The following SMARCA2 variants were observed in gnomAD, a reference collection of about 807,000 sequenced individuals.
The protein encoded by SMARCA2 is SWI/SNF related BAF chromatin remodeling complex subunit ATPase 2.
In SMARCA2, 61 loss-of-function variants were observed where a neutral mutation model predicts 199.8. That is an observed-to-expected ratio of 0.31 (90% confidence interval 0.25 to 0.38). The LOEUF (loss-of-function observed/expected upper bound fraction) is 0.38. Among genes scored for constraint, SMARCA2 ranks in the 10% least tolerant of loss-of-function variants. The probability of loss-of-function intolerance (pLI) is 1.00; values close to 1 mark genes in which losing one functional copy is unlikely to be tolerated. For synonymous variants in SMARCA2, 935 were observed against 732.0 expected (o/e 1.28, Z -4.48); for missense variants, 1,344 against 2,012.2 (o/e 0.67, Z 6.35).
intron 27 of SMARCA2, among the ~76,000 whole-genome samples, chr9:2,157,422 T>G (rs1323542976): frequency 6.6e-6 from 1 of 152,108 alleles, no homozygotes; most frequent in Non-Finnish European, 1.5e-5. Flanking sequence ...CCCACCCCCA[T>G]GCCCAGCAGC....
chr9:2,192,609 AT>A, intron 33 of SMARCA2, 94 bp from the exon 34 acceptor site: 3 of 887,872 alleles, frequency 3.4e-6, no homozygotes, highest in Non-Finnish European at 5.8e-6. Context: ...CCAAAATGTC[AT>A]TTTTTCCTAC....
intron 1 of SMARCA2, among the ~76,000 whole-genome samples, chr9:2,028,199 G>T (rs138792792): frequency 7.2e-4 from 109 of 152,240 alleles, no homozygotes; most frequent in African/African-American, 2.3e-3. Flanking sequence ...TGTCTGAGGG[G>T]GTCTCTGCTT....
intron 27 of SMARCA2, chr9:2,160,149 G>T: frequency 2.0e-6 from 1 of 507,194 alleles, no homozygotes; most frequent in South Asian, 2.8e-5. Flanking sequence ...GCTGCAGTGT[G>T]TTTAGCTGTA....
chr9:2,153,397 G>C (rs1291907361), intron 27 of SMARCA2, among the ~76,000 whole-genome samples: 1 of 152,086 alleles, frequency 6.6e-6, no homozygotes, highest in Non-Finnish European at 1.5e-5. Flanking sequence ...GCCAGGCATG[G>C]TGGTGTGCGC....
chr9:2,073,592 G>A lies in SMARCA2; in HGVS notation c.1904G>A (p.Ser635Asn), dbSNP rs1229661980. The A allele has an allele frequency of 6.2e-7, 1 of 1,612,196 alleles. No individual in the cohort carries two copies. Among genetic ancestry groups the A allele is most frequent in the Admixed American group, 1.7e-5 (1 of 60,012 alleles). The change falls in exon 12 of 34, where the codon AGT (serine) becomes AAT (asparagine). Residue 635 changes from serine to asparagine, a missense_variant. Ser to Asn is a conservative substitution (Grantham distance 46). Transcript: ENST00000349721. ...PGYEVAPRSD[S>N]EESDSDYEEE... is the part of the protein sequence containing the mutation. ...TATGAAGTTGCCCCTAGATCTGACA[G>A]TGAAGAGAGTGATTCTGATTATGAG...
At chr9:2,040,020 C>G (rs1000481678) in intron 4 of SMARCA2, 120 bp downstream of exon 4, 3 of 1,508,014 alleles carry the variant, frequency 2.0e-6, no homozygotes, top group Non-Finnish European at 8.9e-7. Flanking sequence ...TTATACCTCA[C>G]TGGCTCTCTA....
At chr9:2,051,934 A>G (rs1586650469) in intron 5 of SMARCA2, among the ~76,000 whole-genome samples, 1 of 152,198 alleles carries the variant, frequency 6.6e-6, no homozygotes, top group Non-Finnish European at 1.5e-5. Flanking sequence ...TTGGGGCTAC[A>G]TAGATGTTGT....
rs149536861 is a variant in SMARCA2, at chr9:2,143,152, C to A, written c.3982-18534C>A. ...TGTTATAAAAGAAATGGTATTTTAGCCTTTTCTTAAAAGATGAGGATGCTT... is the reference window on the plus strand; with the variant it reads ...TGTTATAAAAGAAATGGTATTTTAGACTTTTCTTAAAAGATGAGGATGCTT... On this transcript the variant is annotated intron_variant, in intron 27 of 33. Transcript: ENST00000349721. Among the ~76,000 whole-genome samples, 249 of 152,190 alleles carry A rather than the reference C, an allele frequency of 1.6e-3. 2 individuals are homozygous for A. Among genetic ancestry groups the A allele is most frequent in the African/African-American group, 5.7e-3 (237 of 41,524 alleles).
intron 29 of SMARCA2, among the ~76,000 whole-genome samples, chr9:2,176,866 G>C (rs574331262): frequency 3.8e-4 from 58 of 152,168 alleles, no homozygotes; most frequent in Admixed American, 2.5e-3. Flanking sequence ...ACATTGGGGT[G>C]ATTTTAACAG....
chr9:2,020,306 T>C (rs575036573), intron 1 of SMARCA2, among the ~76,000 whole-genome samples: 1 of 152,190 alleles, frequency 6.6e-6, no homozygotes, highest in East Asian at 1.9e-4. Flanking sequence ...CTTTGGCCAA[T>C]AGAGGATGTG....
At chr9:2,149,053 T>A (rs1434575796) in intron 27 of SMARCA2, among the ~76,000 whole-genome samples, 1 of 151,546 alleles carries the variant, frequency 6.6e-6, no homozygotes, top group African/African-American at 2.4e-5. Context: ...AAAACCTGCC[T>A]GTATTAGTCT....
intron 9 of SMARCA2, among the ~76,000 whole-genome samples, chr9:2,069,621 A>C (rs1346786749): frequency 6.6e-6 from 1 of 152,146 alleles, no homozygotes; most frequent in African/African-American, 2.4e-5. Context: ...ATCTGCATAA[A>C]ATTTTCCCAT....
At chr9:2,064,999 A>C (rs1467332093) in intron 9 of SMARCA2, among the ~76,000 whole-genome samples, 1 of 152,208 alleles carries the variant, frequency 6.6e-6, no homozygotes, top group Admixed American at 6.5e-5. Flanking sequence ...CCTGGCTAAC[A>C]TGTTGAAACC....
chr9:2,148,310 G>C (rs974161759), intron 27 of SMARCA2, among the ~76,000 whole-genome samples: 9 of 151,592 alleles, frequency 5.9e-5, no homozygotes, highest in African/African-American at 2.2e-4. Flanking sequence ...CAAATGGCAA[G>C]AGCAGAGTGG....
chr9:2,181,440 G>GACTT (rs971576038), intron 29 of SMARCA2, 131 bp from the exon 30 acceptor site: 64 of 618,138 alleles, frequency 1.0e-4, no homozygotes, highest in Non-Finnish European at 1.8e-4. Context: ...GATTTTTCCT[G>GACTT]ACTTAAAAAG....
At chr9:2,174,953 GGAAAT>G (rs1826471936) in intron 29 of SMARCA2, among the ~76,000 whole-genome samples, 1 of 114,172 alleles carries the variant, frequency 8.8e-6, no homozygotes, top group Non-Finnish European at 1.7e-5. Flanking sequence ...AAAAAAAAAA[GGAAAT>G]GGAGAGGCAG....
At chr9:2,147,131 T>C (rs906670721) in intron 27 of SMARCA2, among the ~76,000 whole-genome samples, 12 of 151,548 alleles carry the variant, frequency 7.9e-5, no homozygotes, top group African/African-American at 2.9e-4. Context: ...CAGTAGCTCA[T>C]GACAGAAGTG....
Position 2,103,994 on chromosome 9 carries a change from T to G in SMARCA2, c.3126-9T>G, listed in dbSNP as rs1822645497. On this transcript the variant is annotated splice_polypyrimidine_tract_variant and intron_variant, in intron 22 of 33. Transcript: ENST00000349721. ...CTGTCTTCTTGTTTTTGCATTTTTT[T>G]GGGTTCAGGGCTGAACTGTATCGGG... The G allele has an allele frequency of 6.2e-7, 1 of 1,609,422 alleles. No individual in the cohort carries two copies. Among genetic ancestry groups the G allele is most frequent in the Non-Finnish European group, 8.5e-7 (1 of 1,177,884 alleles).
intron 29 of SMARCA2, among the ~76,000 whole-genome samples, chr9:2,176,566 T>C (rs1476886632): frequency 1.3e-5 from 2 of 152,028 alleles, no homozygotes; most frequent in Non-Finnish European, 2.9e-5. Context: ...TTTGGTGGTG[T>C]TGAGACAACA....
Sources: gnomAD v4.1 joint callset for allele counts (sites outside exome capture counted in the v4.1 genomes callset) on GRCh38, gnomAD v4.1.1 for gene constraint, MANE v1.5 for transcripts, NCBI Gene and HGNC (gene_info 2026-07-23, HGNC 2026-07-21) for gene names.